Variants in USP31 observed in about 807,000 individuals in gnomAD.
The protein encoded by USP31 is ubiquitin specific peptidase 31.
USP31 carries 44 observed loss-of-function variants against 119.4 expected under a neutral mutation model. The observed-to-expected ratio is 0.37, with a 90% CI of 0.29 to 0.47. The LOEUF is 0.47. Among genes scored for constraint, USP31 ranks in the 20% least tolerant of loss-of-function variants. USP31 has a pLI of 0.99. For synonymous variants in USP31, 749 were observed against 705.6 expected (o/e 1.06, Z -0.97); for missense variants, 1,643 against 1,730.2 (o/e 0.95, Z 0.89).
intron 6 of USP31, among the ~76,000 whole-genome samples, chr16:23,093,431 A>G (rs896871218): frequency 4.6e-5 from 7 of 152,242 alleles, no homozygotes; most frequent in African/African-American, 1.7e-4. Flanking sequence ...ACATGGCAAG[A>G]TGTTCATCAT....
At chr16:23,137,533 G>C (rs1387638181) in intron 1 of USP31, among the ~76,000 whole-genome samples, 1 of 151,870 alleles carries the variant, frequency 6.6e-6, no homozygotes, top group African/African-American at 2.4e-5. Context: ...ACATTGATAA[G>C]TGATAATTTA....
intron 1 of USP31, among the ~76,000 whole-genome samples, chr16:23,143,780 T>A (rs1903425263): frequency 6.6e-6 from 1 of 152,108 alleles, no homozygotes; most frequent in Admixed American, 6.5e-5. Flanking sequence ...TGTGTGACAT[T>A]TAGCAGCATC....
Position 23,064,370 on chromosome 16 carries a change from C to T in USP31, c.*3676G>A, listed in dbSNP as rs1199923786. 1 of 152,194 alleles carries T rather than the reference C, an allele frequency of 6.6e-6. No individual in the cohort carries two copies. The highest frequency in any genetic ancestry group is 2.4e-5 in the African/African-American group (1 of 41,432). 9.4% of individuals were successfully genotyped at this position (152,194 alleles called of 1,614,324 possible). A position where few individuals can be genotyped will look rare whatever the true frequency, so the allele number is the denominator to read the frequency against. On this transcript the variant is annotated 3_prime_UTR_variant, in exon 16 of 16. Coordinates refer to ENST00000219689, the MANE Select transcript of USP31 (RefSeq NM_020718.4). ...TTCTCTGCTCCATTTTCCCTAAAGG[C>T]TGCCACTCTTGGTCCCTTTACATAC...
Position 23,082,510 on chromosome 16 carries a change from C to T in USP31, c.1878G>A (p.Gln626=). 6.2e-7 allele frequency: 1 copy of T among 1,614,214 alleles called. No individual in the cohort carries two copies. Among genetic ancestry groups the T allele is most frequent in the Non-Finnish European group, 8.5e-7 (1 of 1,180,034 alleles). The change falls in exon 12 of 16, where the codon CAG becomes CAA. Residue 626 remains glutamine, a synonymous_variant. Coordinates refer to ENST00000219689, the MANE Select transcript of USP31 (RefSeq NM_020718.4). ...AGAGGCTTAACGTAATGCTTCCCTG[C>T]TGCAGCTGCTTACAGTGTGGGCAAC... ...AWRCPHCKQL[Q]QGSITLSLWT... is the part of the protein sequence containing the mutation.
At chr16:23,129,852 G>T (rs944163107) in intron 1 of USP31, among the ~76,000 whole-genome samples, 36 of 152,200 alleles carry the variant, frequency 2.4e-4, no homozygotes, top group African/African-American at 7.5e-4. Flanking sequence ...AACTAGTAAA[G>T]TGGGGATGTA....
rs1214940348 is a variant in USP31 at position 23,063,822 on chromosome 16, G to A, written c.*4224C>T. The A allele has an allele frequency of 6.6e-6, 1 of 151,732 alleles. No individual in the cohort carries two copies. Among genetic ancestry groups the A allele is most frequent in the Non-Finnish European group, 1.5e-5 (1 of 67,966 alleles). 9.4% of individuals were successfully genotyped at this position (151,732 alleles called of 1,614,324 possible). A position where few individuals can be genotyped will look rare whatever the true frequency, so the allele number is the denominator to read the frequency against. On this transcript the variant is annotated 3_prime_UTR_variant, in exon 16 of 16. Coordinates refer to ENST00000219689, the MANE Select transcript of USP31 (RefSeq NM_020718.4). The stretch of plus-strand genomic sequence containing the variant: ...AAGAGCATGCTTTCTGAGTTATATG[G>A]AGGCCACGCACAATTGTTTTTACTT...
chr16:23,072,235 G>T (rs1354665674), intron 14 of USP31, 38 bp from the exon 15 acceptor site: 2 of 1,582,112 alleles, frequency 1.3e-6, no homozygotes, highest in Middle Eastern at 1.7e-4. Flanking sequence ...TCAGGCTGGG[G>T]TCCCTCGGCC....
intron 1 of USP31, among the ~76,000 whole-genome samples, chr16:23,146,247 G>C (rs1903499827): frequency 7.6e-6 from 1 of 131,236 alleles, no homozygotes; most frequent in African/African-American, 2.8e-5. Flanking sequence ...GGTGGGGGGC[G>C]GGGGGTGGAC....
Position 23,069,215 on chromosome 16 carries a change from C to A in USP31, c.2890G>T (p.Asp964Tyr). The change falls in exon 16 of 16, where the codon GAT (aspartate) becomes TAT (tyrosine). Residue 964 changes from aspartate (D) to tyrosine (Y), a missense_variant. Transcript: ENST00000219689. Reference protein sequence around the residue: ...DTRRLNSSVVDTQSKHSAQGD... With the variant: ...DTRRLNSSVVYTQSKHSAQGD... Reference sequence around the variant, plus strand: ...TGTGCTGAATGTTTGCTCTGTGTATCTACGACACTGGAGTTCAATCTGCGG... The same window carrying A: ...TGTGCTGAATGTTTGCTCTGTGTATATACGACACTGGAGTTCAATCTGCGG... 1 of 1,614,216 alleles carries A rather than the reference C, an allele frequency of 6.2e-7. No homozygotes were observed. Among genetic ancestry groups the A allele is most frequent in the Non-Finnish European group, 8.5e-7 (1 of 1,180,042 alleles).
At chr16:23,124,622 G>A (rs1260034518) in intron 1 of USP31, among the ~76,000 whole-genome samples, 1 of 152,218 alleles carries the variant, frequency 6.6e-6, no homozygotes, top group South Asian at 2.1e-4. Flanking sequence ...GGCCGGGCAT[G>A]GTGGCTCATG....
At position 23,106,253 on chromosome 16, in the gene USP31, A is replaced by G; in HGVS notation, c.913T>C (p.Phe305Leu). ...CQKQSNTFDPFLCISLPIPLP... is the reference protein window; with the variant it reads ...CQKQSNTFDPLLCISLPIPLP... ...GGAATTGGCAAAGAAATGCAAAGGAAAGGATCAAAAGTGTTGCTCTGTTTC... is the reference window on the plus strand; with the variant it reads ...GGAATTGGCAAAGAAATGCAAAGGAGAGGATCAAAAGTGTTGCTCTGTTTC... The change falls in exon 4 of 16, where the codon TTC (phenylalanine) becomes CTC (leucine). Residue 305 changes from phenylalanine to leucine, a missense_variant. Physicochemically the swap from Phe to Leu is conservative, Grantham distance 22. Coordinates refer to ENST00000219689, the MANE Select transcript of USP31 (RefSeq NM_020718.4). 1 of 1,614,228 alleles carries G rather than the reference A, an allele frequency of 6.2e-7. No individual in the cohort carries two copies.
Position 23,063,613 on chromosome 16 carries a change from A to G in USP31, c.*4433T>C, listed in dbSNP as rs1406882408. 2 of 152,582 alleles carry G rather than the reference A, an allele frequency of 1.3e-5. No individual in the cohort carries two copies. Among genetic ancestry groups the G allele is most frequent in the African/African-American group, 4.8e-5 (2 of 41,432 alleles). 9.5% of individuals were successfully genotyped at this position (152,582 alleles called of 1,614,324 possible). A position where few individuals can be genotyped will look rare whatever the true frequency, so the allele number is the denominator to read the frequency against. ...TTTACAATCTCGCCAATGATCAGAA[A>G]AACAGCAGAGAAATATATGCAGAGC... On this transcript the variant is annotated 3_prime_UTR_variant, in exon 16 of 16. Transcript: ENST00000219689.
intron 9 of USP31, 102 bp downstream of exon 9, chr16:23,086,990 A>G: frequency 2.4e-6 from 2 of 825,972 alleles, no homozygotes; most frequent in Admixed American, 2.9e-5. Context: ...AAGCCTAAAG[A>G]ACCCTGCACA....
At chr16:23,113,598 A>G (rs1902393105) in intron 1 of USP31, among the ~76,000 whole-genome samples, 1 of 152,208 alleles carries the variant, frequency 6.6e-6, no homozygotes, top group Non-Finnish European at 1.5e-5. Flanking sequence ...TTGCTTGCTC[A>G]TATAATCTCA....
chr16:23,069,643 A>C, intron 15 of USP31, 27 bp from the exon 16 acceptor site: 1 of 1,563,182 alleles, frequency 6.4e-7, no homozygotes, highest in Non-Finnish European at 8.7e-7. Context: ...GAATACTGTT[A>C]AGTTAAGCCA....
chr16:23,117,069 C>T (rs891636717), intron 1 of USP31, among the ~76,000 whole-genome samples: 1 of 152,186 alleles, frequency 6.6e-6, no homozygotes, highest in African/African-American at 2.4e-5. Flanking sequence ...CCAAAATGCT[C>T]CAATGAGCAT....
Position 23,062,634 on chromosome 16 carries a change from A to G in USP31, c.*5412T>C, listed in dbSNP as rs1040935763. On this transcript the variant is annotated 3_prime_UTR_variant, in exon 16 of 16. Coordinates refer to ENST00000219689, the MANE Select transcript of USP31 (RefSeq NM_020718.4). ...ATTTCTAGCTCAGAGTGACTTCCCT[A>G]TTCCCCCACGGGCCTGGGGAAAAGG... 6.6e-6 allele frequency: 1 copy of G among 152,394 alleles called. No individual in the cohort carries two copies. The highest frequency in any genetic ancestry group is 2.4e-5 in the African/African-American group (1 of 41,422). The allele number at this position is 152,394 out of a possible 1,614,324, so 9.4% of individuals were successfully genotyped here.
At chr16:23,111,051 C>T (rs1306081474) in intron 1 of USP31, among the ~76,000 whole-genome samples, 5 of 152,140 alleles carry the variant, frequency 3.3e-5, no homozygotes, top group Non-Finnish European at 7.3e-5. Context: ...TGGCGTGAAC[C>T]CGGGAGGCAG....
In USP31 at chr16:23,067,986, G is replaced by A. The variant is rs1241278965; in HGVS notation, c.*60C>T. Reference sequence around the variant, plus strand: ...AAAAGCACAGGAGGCTTTGGTGGGAGGGCAGGGGTTCTAAATAAATAAACA... The same window carrying A: ...AAAAGCACAGGAGGCTTTGGTGGGAAGGCAGGGGTTCTAAATAAATAAACA... On this transcript the variant is annotated 3_prime_UTR_variant, in exon 16 of 16. Transcript: ENST00000219689. The A allele has an allele frequency of 5.9e-6, 9 of 1,531,720 alleles. No individual in the cohort carries two copies. The African/African-American group carries it at 9.7e-5, about 17-fold the overall frequency. 94.9% of individuals were successfully genotyped at this position (1,531,720 alleles called of 1,614,324 possible). A position where few individuals can be genotyped will look rare whatever the true frequency, so the allele number is the denominator to read the frequency against.
Sources: allele counts gnomAD v4.1 joint callset (sites outside exome capture counted in the v4.1 genomes callset), GRCh38; gene constraint gnomAD v4.1.1; transcripts MANE v1.5; gene names NCBI Gene and HGNC (gene_info 2026-07-23, HGNC 2026-07-21).